The following ANKRD55 variants were observed in gnomAD, a reference collection of about 807,000 sequenced individuals.
ANKRD55 encodes the protein ankyrin repeat domain 55, also known as ankyrin repeat domain-containing protein 55.
ANKRD55 carries 41 observed loss-of-function variants against 60.6 expected under a neutral mutation model. That is an observed-to-expected ratio of 0.68 (90% CI 0.53 to 0.88). ANKRD55 has a LOEUF of 0.88. Ranked by LOEUF, ANKRD55 falls within the 40% of genes least tolerant of loss-of-function variation. The probability of loss-of-function intolerance (pLI) is 0.00; values close to 1 mark genes in which losing one functional copy is unlikely to be tolerated. For missense variants in ANKRD55, 732 were observed against 767.6 expected, an observed-to-expected ratio of 0.95 and a Z score of 0.55; for synonymous variants, 264 against 290.3, an observed-to-expected ratio of 0.91 and a Z score of 0.92.
At chr5:56,149,574 C>T (rs1000594270) in intron 6 of ANKRD55, among the ~76,000 whole-genome samples, 1 of 152,176 alleles carries the variant, frequency 6.6e-6, no homozygotes. Context: ...CTGCACTAAA[C>T]TGTGAACTCC....
intron 2 of ANKRD55, among the ~76,000 whole-genome samples, chr5:56,207,634 A>G (rs569860622): frequency 6.6e-6 from 1 of 152,326 alleles, no homozygotes; most frequent in African/African-American, 2.4e-5. Context: ...GTACCACAGC[A>G]TTTGTGTATC....
Position 56,176,228 on chromosome 5 carries a change from A to G in ANKRD55, c.236T>C (p.Leu79Pro), listed in dbSNP as rs149513316. Residue 79 changes from leucine to proline, a missense_variant, in exon 4 of 12, where the codon CTG becomes CCG. Transcript: ENST00000341048. ...VSGRQADTVKLLLKMGANINM... is the reference protein window; with the variant it reads ...VSGRQADTVKPLLKMGANINM... ...AATATTGGCTCCCATCTTCAACAGC[A>G]GCTTCACTGTGTCCGCTTGACGTCC... 1.5e-4 allele frequency: 245 copies of G among 1,614,124 alleles called. No homozygotes were observed. Among genetic ancestry groups the G allele is most frequent in the Non-Finnish European group, 2.0e-4 (235 of 1,180,056 alleles).
At chr5:56,193,177 A>G in intron 2 of ANKRD55, 1 of 720,062 alleles carries the variant, frequency 1.4e-6, no homozygotes, top group Non-Finnish European at 2.3e-6. Context: ...TGAGTGGAGG[A>G]GCAGGATATT....
chr5:56,114,788 A>T (rs1756837897), intron 9 of ANKRD55, among the ~76,000 whole-genome samples: 1 of 152,242 alleles, frequency 6.6e-6, no homozygotes, highest in Admixed American at 6.5e-5. Flanking sequence ...ATCGTATCAA[A>T]GAAAAATACA....
rs1581016704 is a variant in ANKRD55, at chr5:56,199,582, G to T, written c.59-15948C>A. On this transcript the variant is annotated intron_variant, in intron 2 of 11. Coordinates refer to ENST00000341048, the MANE Select transcript of ANKRD55 (RefSeq NM_024669.3). The stretch of plus-strand genomic sequence containing the variant: ...CATAAGATAAATTACCATGTTCAAA[G>T]TTAAAAAAAAAAAAAAACTTGGGTG... 2.8e-5 allele frequency among the ~76,000 whole-genome samples: 4 copies of T among 143,638 alleles called. No individual in the cohort carries two copies. The East Asian group carries it at 8.4e-4, about 30-fold the overall frequency. The allele number at this position is 143,638 out of a possible 152,430, so 94.2% of individuals were successfully genotyped here. A position where few individuals can be genotyped will look rare whatever the true frequency, so the allele number is the denominator to read the frequency against.
intron 2 of ANKRD55, among the ~76,000 whole-genome samples, chr5:56,222,016 G>A (rs867446986): frequency 6.6e-6 from 1 of 152,180 alleles, no homozygotes; most frequent in South Asian, 2.1e-4. Context: ...CCAGCACGGA[G>A]TTTGAGATCT....
chr5:56,140,104 T>C (rs533906128), intron 7 of ANKRD55, among the ~76,000 whole-genome samples: 1 of 152,314 alleles, frequency 6.6e-6, no homozygotes, highest in East Asian at 1.9e-4. Context: ...GCTTTAAATG[T>C]GATCTCATTA....
At chr5:56,196,889 A>G (rs1759239263) in intron 2 of ANKRD55, among the ~76,000 whole-genome samples, 1 of 152,186 alleles carries the variant, frequency 6.6e-6, no homozygotes, top group African/African-American at 2.4e-5. Context: ...GTCCCAACAA[A>G]CAGCATCAAC....
chr5:56,122,222 C>A (rs1375294187), intron 8 of ANKRD55, among the ~76,000 whole-genome samples: 1 of 152,154 alleles, frequency 6.6e-6, no homozygotes, highest in East Asian at 1.9e-4. Context: ...GTAGCTTAGG[C>A]AGTTGCCAGC....
In ANKRD55 at chr5:56,174,286, AAATGT is replaced by A. The variant is rs561430133; in HGVS notation, c.312+1861_312+1865del. ...CCCTTGCATAGCTCTCTAGTCAAAG[AAATGT>A]AAAATTTTGAATTTTTGAACTTTGA... On this transcript the variant is annotated intron_variant, in intron 4 of 11. Coordinates refer to ENST00000341048, the MANE Select transcript of ANKRD55 (RefSeq NM_024669.3). 7.2e-5 allele frequency among the ~76,000 whole-genome samples: 11 copies of A among 152,296 alleles called. No homozygotes were observed. In the South Asian group the frequency reaches 2.3e-3, roughly 32 times the overall value.
chr5:56,118,365 C>T (rs1295591011), intron 8 of ANKRD55, among the ~76,000 whole-genome samples: 5 of 152,150 alleles, frequency 3.3e-5, no homozygotes, highest in African/African-American at 1.2e-4. Context: ...GTGGCTCACA[C>T]CTGTAATCCC....
intron 7 of ANKRD55, among the ~76,000 whole-genome samples, chr5:56,135,005 G>A (rs1757521283): frequency 6.6e-6 from 1 of 152,150 alleles, no homozygotes; most frequent in African/African-American, 2.4e-5. Context: ...GAATCACATG[G>A]TTGTATCAAT....
In ANKRD55 at chr5:56,183,548, C is replaced by T; in HGVS notation, c.145G>A (p.Glu49Lys). 1 of 1,614,164 alleles carries T rather than the reference C, an allele frequency of 6.2e-7. No individual in the cohort carries two copies. Among genetic ancestry groups the T allele is most frequent in the Non-Finnish European group, 8.5e-7 (1 of 1,180,024 alleles). Residue 49 changes from glutamate to lysine, a missense_variant, in exon 3 of 12, where the codon GAA (glutamate) becomes AAA (lysine). By Grantham distance (56) the Glu-to-Lys change is moderately conservative (BLOSUM62 1). This residue lies in a region of ANKRD55 where 131 missense variants were observed against 142.7 expected (regional missense o/e 0.92). Coordinates refer to ENST00000341048, the MANE Select transcript of ANKRD55 (RefSeq NM_024669.3). ...CAGCATTCTAGGATAGAAGGGTCTT[C>T]CCGAATCACTGCAGTCAGAGCATTG... ...DVNALTAVIR[E>K]DPSILECCDS...
chr5:56,117,556 C>T (rs1049936627), intron 8 of ANKRD55, among the ~76,000 whole-genome samples: 2 of 152,078 alleles, frequency 1.3e-5, no homozygotes, highest in Non-Finnish European at 2.9e-5. Context: ...CAGGTTCAAG[C>T]GATTCTCCCA....
intron 2 of ANKRD55, among the ~76,000 whole-genome samples, chr5:56,220,983 C>A (rs1759945780): frequency 6.6e-6 from 1 of 152,198 alleles, no homozygotes; most frequent in Admixed American, 6.5e-5. Context: ...TCAAAGGCAA[C>A]ATATAATTTG....
chr5:56,231,270 T>C (rs548813305), intron 2 of ANKRD55, among the ~76,000 whole-genome samples: 1 of 152,332 alleles, frequency 6.6e-6, no homozygotes, highest in South Asian at 2.1e-4. Context: ...GGAATTGCTG[T>C]GAATTGCTCA....
intron 10 of ANKRD55, among the ~76,000 whole-genome samples, chr5:56,104,114 G>C (rs1269001873): frequency 6.6e-6 from 1 of 152,130 alleles, no homozygotes; most frequent in East Asian, 1.9e-4. Context: ...ATGAACACTT[G>C]AGCAGAAATT....
At position 56,166,060 on chromosome 5, in the gene ANKRD55, C is replaced by T. The variant is rs1455253189; in HGVS notation, c.422+4634G>A. On this transcript the variant is annotated intron_variant, in intron 5 of 11. Transcript: ENST00000341048. The stretch of plus-strand genomic sequence containing the variant: ...CATACTCATGAGCTGGCACTCCTGG[C>T]CACCCTTCAGGGATCTTTCTTTTCT... 2.0e-5 allele frequency among the ~76,000 whole-genome samples: 3 copies of T among 150,466 alleles called. No individual in the cohort carries two copies. In the East Asian group the frequency reaches 5.9e-4, roughly 30 times the overall value.
intron 1 of ANKRD55, 88 bp from the exon 2 acceptor site, chr5:56,233,034 T>A: frequency 1.2e-6 from 1 of 866,418 alleles, no homozygotes; most frequent in Non-Finnish European, 1.9e-6. Flanking sequence ...GTTTCAGGAT[T>A]AAATGTGCAT....
Sources: allele counts gnomAD v4.1 joint callset (sites outside exome capture counted in the v4.1 genomes callset), GRCh38; gene constraint gnomAD v4.1.1; regional missense constraint gnomAD v4.1.1; transcripts MANE v1.5; gene names NCBI Gene and HGNC (gene_info 2026-07-23, HGNC 2026-07-21).